The following SRBD1 variants were observed in gnomAD, a reference collection of about 807,000 sequenced individuals.
SRBD1 encodes S1 RNA-binding domain-containing protein 1.
In SRBD1, 88 loss-of-function variants were observed where a neutral mutation model predicts 115.3. The ratio of observed to expected loss-of-function variants is 0.76; its 90% CI spans 0.64 to 0.91. SRBD1 has a LOEUF of 0.91. SRBD1 is among the 40% of genes least tolerant of loss of function. The pLI is 0.00. For missense variants in SRBD1, 1,385 were observed against 1,177.4 expected (o/e 1.18, Z -2.58); for synonymous variants, 509 against 407.7 (o/e 1.25, Z -2.99).
intron 20 of SRBD1, among the ~76,000 whole-genome samples, chr2:45,390,047 C>T (rs1666955488): frequency 6.6e-6 from 1 of 152,092 alleles, no homozygotes; most frequent in African/African-American, 2.4e-5. Flanking sequence ...GTAGAAAGTA[C>T]ATCAACTTTT....
chr2:45,422,726 T>C (rs1012440858), intron 16 of SRBD1, among the ~76,000 whole-genome samples: 2 of 152,220 alleles, frequency 1.3e-5, no homozygotes, highest in African/African-American at 4.8e-5. Context: ...GCAAAGCATG[T>C]GAGAAGTTTA....
At chr2:45,600,084 G>A (rs1349246177) in intron 3 of SRBD1, among the ~76,000 whole-genome samples, 1 of 152,158 alleles carries the variant, frequency 6.6e-6, no homozygotes, top group African/African-American at 2.4e-5. Flanking sequence ...GGTGGGTGTG[G>A]CTATAAAAGG....
chr2:45,433,543 AAG>A (rs1260871433), intron 16 of SRBD1, among the ~76,000 whole-genome samples: 18 of 152,342 alleles, frequency 1.2e-4, no homozygotes, highest in African/African-American at 4.3e-4. Flanking sequence ...GACAGTTTTT[AAG>A]AGTCATCCAA....
intron 14 of SRBD1, among the ~76,000 whole-genome samples, chr2:45,531,187 G>A (rs1572740842): frequency 6.6e-6 from 1 of 151,812 alleles, no homozygotes; most frequent in East Asian, 1.9e-4. Context: ...TGTTGTGTTG[G>A]TTTCTTATCC....
Position 45,419,899 on chromosome 2 carries a change from A to G in SRBD1, c.2050-5T>C, listed in dbSNP as rs1168348560. On this transcript the variant is annotated splice_region_variant and splice_polypyrimidine_tract_variant and intron_variant, in intron 16 of 20. Coordinates refer to ENST00000263736, the MANE Select transcript of SRBD1 (RefSeq NM_018079.5). ...TAAAGTCTGGGATACGTCATGCTGA[A>G]AAGACAAAGATCAAATATTAACAGT... 2 of 1,610,526 alleles carry G rather than the reference A, an allele frequency of 1.2e-6. No homozygotes were observed. Among genetic ancestry groups the G allele is most frequent in the Non-Finnish European group, 1.7e-6 (2 of 1,177,908 alleles).
rs1558468081 is a variant in SRBD1 at position 45,545,306 on chromosome 2, A to AAAAAAC, written c.1874+1425_1874+1426insGTTTTT. Among the ~76,000 whole-genome samples the AAAAAAC allele has an allele frequency of 9.1e-5, 13 of 142,528 alleles. 1 individual carries two copies. Among genetic ancestry groups the AAAAAAC allele is most frequent in the African/African-American group, 3.6e-4 (13 of 36,168 alleles). 93.5% of individuals were successfully genotyped at this position (142,528 alleles called of 152,430 possible). A position where few individuals can be genotyped will look rare whatever the true frequency, so the allele number is the denominator to read the frequency against. ...ATTAAAAAAAAAAAAAAAAAAAAAA[A>AAAAAAC]AAAAAAAAACAGATGAACCCAGATT... On this transcript the variant is annotated intron_variant, in intron 14 of 20. Coordinates refer to ENST00000263736, the MANE Select transcript of SRBD1 (RefSeq NM_018079.5).
intron 20 of SRBD1, among the ~76,000 whole-genome samples, chr2:45,390,801 T>C (rs957244664): frequency 2.0e-5 from 3 of 152,202 alleles, no homozygotes; most frequent in African/African-American, 7.2e-5. Context: ...AATTAAGCTT[T>C]TTCTTATAAA....
intron 5 of SRBD1, among the ~76,000 whole-genome samples, chr2:45,584,087 A>G (rs889247944): frequency 6.6e-6 from 1 of 152,162 alleles, no homozygotes; most frequent in Non-Finnish European, 1.5e-5. Context: ...CTTGCCTTCA[A>G]CCAAACAGAA....
intron 14 of SRBD1, among the ~76,000 whole-genome samples, chr2:45,508,838 T>G (rs1670874938): frequency 1.3e-5 from 2 of 152,170 alleles, no homozygotes; most frequent in Non-Finnish European, 2.9e-5. Flanking sequence ...GTAAAAATGA[T>G]TAAAGTCATA....
At position 45,419,679 on chromosome 2, in the gene SRBD1, T is replaced by C. The variant is rs985153349; in HGVS notation, c.2156+109A>G. ...AAAGCAATGTATAAACCCATAGACG[T>C]TCTCTACTTGACAACTTTATACACG... On this transcript the variant is annotated intron_variant, in intron 17 of 20. Transcript: ENST00000263736. The C allele has an allele frequency of 3.5e-6, 3 of 858,150 alleles. No homozygotes were observed. In the East Asian group the frequency reaches 7.6e-5, roughly 22 times the overall value. The allele number at this position is 858,150 out of a possible 1,614,324, so 53.2% of individuals were successfully genotyped here.
intron 14 of SRBD1, among the ~76,000 whole-genome samples, chr2:45,498,727 T>A (rs1049840215): frequency 1.3e-5 from 2 of 152,190 alleles, no homozygotes; most frequent in African/African-American, 4.8e-5. Flanking sequence ...GTCTCCCATA[T>A]GAGTGAGAAC....
intron 14 of SRBD1, among the ~76,000 whole-genome samples, chr2:45,499,468 T>G (rs1314462091): frequency 6.6e-6 from 1 of 152,198 alleles, no homozygotes; most frequent in Non-Finnish European, 1.5e-5. Context: ...CTTTGTTGAC[T>G]GTTTCCTTTG....
In SRBD1 at chr2:45,585,598, G is replaced by T. The variant is rs376288198; in HGVS notation, c.815+10C>A. On this transcript the variant is annotated intron_variant, in intron 5 of 20. Transcript: ENST00000263736. ...CTTACACTAGGCTTATTCTTTTTTA[G>T]GTTTCTTACCGTAGCTCTTCTAGGG... is the stretch of plus-strand genomic sequence containing the variant. 5 of 1,601,650 alleles carry T rather than the reference G, an allele frequency of 3.1e-6. No individual in the cohort carries two copies. The African/African-American group carries it at 4.1e-5, about 13-fold the overall frequency.
chr2:45,495,722 G>T (rs1334005463), intron 14 of SRBD1, among the ~76,000 whole-genome samples: 2 of 152,152 alleles, frequency 1.3e-5, no homozygotes, highest in Non-Finnish European at 2.9e-5. Flanking sequence ...GGAAAAGCAG[G>T]CTCATAGAGA....
intron 14 of SRBD1, among the ~76,000 whole-genome samples, chr2:45,522,367 T>A (rs1218226068): frequency 6.6e-6 from 1 of 152,032 alleles, no homozygotes; most frequent in Non-Finnish European, 1.5e-5. Context: ...TTAGTAGAGA[T>A]GGAGTTTACC....
rs182091191 is a variant in SRBD1, at chr2:45,551,285, T to A, written c.1518-3A>T. Reference sequence around the variant, plus strand: ...CTGCATCTGATGTTAGTTTGGCTCTTTAGAAATAGAAGAAAAGAAAAAGTT... The same window carrying A: ...CTGCATCTGATGTTAGTTTGGCTCTATAGAAATAGAAGAAAAGAAAAAGTT... On this transcript the variant is annotated splice_polypyrimidine_tract_variant and splice_region_variant and intron_variant, in intron 11 of 20. Coordinates refer to ENST00000263736, the MANE Select transcript of SRBD1 (RefSeq NM_018079.5). 2.5e-6 allele frequency: 4 copies of A among 1,584,930 alleles called. No homozygotes were observed. The African/African-American group carries it at 5.5e-5, about 22-fold the overall frequency.
chr2:45,571,520 A>AAAC (rs1673012949), intron 9 of SRBD1, among the ~76,000 whole-genome samples: 1 of 116,944 alleles, frequency 8.6e-6, no homozygotes, highest in African/African-American at 5.0e-5. Context: ...ACTTTACCAA[A>AAAC]AAAAAAAAAA....
At chr2:45,409,925 A>C (rs1265588981) in intron 19 of SRBD1, among the ~76,000 whole-genome samples, 3 of 152,204 alleles carry the variant, frequency 2.0e-5, no homozygotes, top group Non-Finnish European at 4.4e-5. Flanking sequence ...TTAAGACAGC[A>C]ATATGACATT....
intron 16 of SRBD1, among the ~76,000 whole-genome samples, chr2:45,463,716 ATT>A (rs1284410099): frequency 6.6e-6 from 1 of 152,208 alleles, no homozygotes; most frequent in Non-Finnish European, 1.5e-5. Flanking sequence ...ATATCCCAAA[ATT>A]TAGCAAAGCA....
Sources: allele counts gnomAD v4.1 joint callset (sites outside exome capture counted in the v4.1 genomes callset), GRCh38; gene constraint gnomAD v4.1.1; transcripts MANE v1.5; gene names NCBI Gene and HGNC (gene_info 2026-07-23, HGNC 2026-07-21).